The following ABCG2 variants were observed in gnomAD, a reference collection of about 807,000 sequenced individuals.
ABCG2 encodes broad substrate specificity ATP-binding cassette transporter ABCG2.
ABCG2 carries 80 observed loss-of-function variants against 73.5 expected under a neutral mutation model. The observed-to-expected ratio is 1.09, with a 90% CI of 0.91 to 1.31. The LOEUF (loss-of-function observed/expected upper bound fraction) is 1.31. ABCG2 is among the 50% of genes most tolerant of loss of function. ABCG2 has a pLI of 0.00. For missense variants in ABCG2, 796 were observed against 786.2 expected (o/e 1.01, Z -0.15); for synonymous variants, 269 against 282.4 (o/e 0.95, Z 0.48).
intron 9 of ABCG2, among the ~76,000 whole-genome samples, chr4:88,110,382 A>C (rs2110001045): frequency 6.6e-6 from 1 of 152,146 alleles, no homozygotes; most frequent in East Asian, 1.9e-4. Flanking sequence ...GTCTATACTA[A>C]AAATACAAAA....
At chr4:88,147,429 G>GT (rs1260969945) in intron 1 of ABCG2, among the ~76,000 whole-genome samples, 16 of 152,336 alleles carry the variant, frequency 1.1e-4, no homozygotes, top group African/African-American at 3.6e-4. Context: ...CTTTGCCCTT[G>GT]TGTCTATCCT....
At chr4:88,107,339 T>C in intron 9 of ABCG2, 73 bp from the exon 10 acceptor site, 1 of 1,012,056 alleles carries the variant, frequency 9.9e-7, no homozygotes, top group Admixed American at 2.5e-5. Context: ...ACACCATTTA[T>C]TAGTATAATA....
intron 1 of ABCG2, among the ~76,000 whole-genome samples, chr4:88,218,551 G>C (rs1438178348): frequency 6.6e-6 from 1 of 152,162 alleles, no homozygotes; most frequent in Non-Finnish European, 1.5e-5. Context: ...CATCACCGAA[G>C]CAGTACACAC....
intron 5 of ABCG2, among the ~76,000 whole-genome samples, chr4:88,129,648 C>A (rs1157690404): frequency 6.6e-6 from 1 of 152,140 alleles, no homozygotes; most frequent in African/African-American, 2.4e-5. Flanking sequence ...CAGTAAAACA[C>A]CCTGAACAGA....
chr4:88,125,314 A>G (rs557064804), intron 5 of ABCG2, among the ~76,000 whole-genome samples: 10 of 131,814 alleles, frequency 7.6e-5, no homozygotes, highest in African/African-American at 2.9e-4. Flanking sequence ...CTCACTCAAA[A>G]CTGCACAACT....
At chr4:88,165,707 C>T (rs1332430047) in intron 1 of ABCG2, among the ~76,000 whole-genome samples, 1 of 152,154 alleles carries the variant, frequency 6.6e-6, no homozygotes, top group African/African-American at 2.4e-5. Flanking sequence ...AACACTGTCT[C>T]TACTAAAAAT....
chr4:88,198,801 C>T (rs751390667), intron 1 of ABCG2, among the ~76,000 whole-genome samples: 2 of 151,808 alleles, frequency 1.3e-5, no homozygotes, highest in Non-Finnish European at 2.9e-5. Flanking sequence ...AAGAAAGATA[C>T]TCTGAGCTTG....
chr4:88,180,416 G>A (rs1728185691), intron 1 of ABCG2, among the ~76,000 whole-genome samples: 1 of 152,116 alleles, frequency 6.6e-6, no homozygotes, highest in African/African-American at 2.4e-5. Context: ...TACAAGAAAT[G>A]ATAAAGGGAG....
chr4:88,183,877 G>T (rs892941436), intron 1 of ABCG2, among the ~76,000 whole-genome samples: 1 of 152,010 alleles, frequency 6.6e-6, no homozygotes, highest in African/African-American at 2.4e-5. Context: ...ACCAAATAGG[G>T]TTTATCCCAG....
intron 1 of ABCG2, among the ~76,000 whole-genome samples, chr4:88,156,758 C>T (rs1229557978): frequency 1.3e-5 from 2 of 152,064 alleles, no homozygotes; most frequent in Non-Finnish European, 2.9e-5. Context: ...GGTTTCTCTC[C>T]CAAGATCTCA....
chr4:88,147,253 G>A (rs945742296), intron 1 of ABCG2, among the ~76,000 whole-genome samples: 1 of 151,564 alleles, frequency 6.6e-6, no homozygotes, highest in Admixed American at 6.6e-5. Context: ...GATCTCTTGA[G>A]CACAGGAGAT....
At chr4:88,197,303 G>A (rs934838026) in intron 1 of ABCG2, among the ~76,000 whole-genome samples, 1 of 152,192 alleles carries the variant, frequency 6.6e-6, no homozygotes, top group South Asian at 2.1e-4. Context: ...ATCAGAGTGG[G>A]AATTAAAAAT....
Position 88,208,699 on chromosome 4 carries a change from G to A in ABCG2, c.-20+22295C>T, listed in dbSNP as rs572700343. ...CTGTTAACTTTTTTCTGCATACCAA[G>A]GTACTTCCATTTTTTAATTTAAAAA... is the stretch of plus-strand genomic sequence containing the variant. On this transcript the variant is annotated intron_variant, in intron 1 of 15. Transcript: ENST00000515655. Among the ~76,000 whole-genome samples, 5 of 152,200 alleles carry A rather than the reference G, an allele frequency of 3.3e-5. No homozygotes were observed. The East Asian group carries it at 9.7e-4, about 29-fold the overall frequency.
intron 1 of ABCG2, among the ~76,000 whole-genome samples, chr4:88,175,903 G>C (rs983785722): frequency 2.0e-5 from 3 of 152,174 alleles, no homozygotes; most frequent in African/African-American, 7.2e-5. Flanking sequence ...AATATCTGAA[G>C]CAAGCACGGC....
Sources: allele counts gnomAD v4.1 joint callset (sites outside exome capture counted in the v4.1 genomes callset), GRCh38; gene constraint gnomAD v4.1.1; transcripts MANE v1.5; gene names NCBI Gene and HGNC (gene_info 2026-07-23, HGNC 2026-07-21).